The following FRMD3 variants were observed in gnomAD, a reference collection of about 807,000 sequenced individuals.
The protein encoded by FRMD3 is FERM domain containing 3, also known as FERM domain-containing protein 3.
Under a neutral mutation model 70.2 loss-of-function variants are expected in FRMD3, and 33 were observed. The ratio of observed to expected loss-of-function variants is 0.47; its 90% confidence interval spans 0.36 to 0.63. The LOEUF (loss-of-function observed/expected upper bound fraction) is 0.63. Among genes scored for constraint, FRMD3 ranks in the 20% least tolerant of loss-of-function variants. The pLI is 0.00. For missense variants in FRMD3, 632 were observed against 711.4 expected (o/e 0.89, Z 1.27); for synonymous variants, 279 against 255.9 (o/e 1.09, Z -0.86).
At chr9:83,543,598 AG>A in the FRMD3 span, among the ~76,000 whole-genome samples, 1 of 152,134 alleles carries the variant, frequency 6.6e-6, no homozygotes, top group Non-Finnish European at 1.5e-5. Flanking sequence ...GACATCCCTC[AG>A]CACCCACTGA....
In FRMD3 at chr9:83,311,905, C is replaced by A. The variant is rs767915126; in HGVS notation, c.755G>T (p.Arg252Ile). The change falls in exon 8 of 14, where the codon AGA becomes ATA. Residue 252 changes from arginine to isoleucine, a missense_variant. By Grantham distance (97) the Arg-to-Ile change is moderately conservative (BLOSUM62 -3). Transcript: ENST00000304195. ...CACTTACCATTTTATCAAATGGATT[C>A]TCTTATTTCCCTGAAAGACCACAAA... ...AGFVVFQGNKRIHLIKWPDVC... is the reference protein window; with the variant it reads ...AGFVVFQGNKIIHLIKWPDVC... 7.5e-6 allele frequency: 12 copies of A among 1,609,060 alleles called. No individual in the cohort carries two copies. The Admixed American group carries it at 1.7e-4, about 23-fold the overall frequency.
At chr9:83,538,401 C>CGGGCGG (rs1218906052), upstream of FRMD3, 6 of 462,846 alleles carry the variant, frequency 1.3e-5, no homozygotes, top group Non-Finnish European at 2.1e-5. The surrounding 1 kb of genome is among the most constrained non-coding windows in gnomAD (Gnocchi z 4.7). Flanking sequence ...CGGGGCGCGG[C>CGGGCGG]GGGCGGGTCC....
chr9:83,511,295 C>G (rs1829333664), intron 1 of FRMD3, among the ~76,000 whole-genome samples: 1 of 152,136 alleles, frequency 6.6e-6, no homozygotes, highest in Non-Finnish European at 1.5e-5. Context: ...TTGATTTCCC[C>G]AGTAGCATAA....
chr9:83,384,499 T>C (rs1294605428), intron 2 of FRMD3, among the ~76,000 whole-genome samples: 1 of 152,148 alleles, frequency 6.6e-6, no homozygotes, highest in Non-Finnish European at 1.5e-5. Context: ...TGCTCTAACA[T>C]AGACAAGGTC....
At chr9:83,513,679 C>T (rs1312369552) in intron 1 of FRMD3, among the ~76,000 whole-genome samples, 1 of 152,084 alleles carries the variant, frequency 6.6e-6, no homozygotes, top group East Asian at 1.9e-4. Flanking sequence ...GGCAAGAGGG[C>T]CAAATAGGAA....
At chr9:83,344,917 G>T (rs1432076062) in intron 4 of FRMD3, among the ~76,000 whole-genome samples, 1 of 151,136 alleles carries the variant, frequency 6.6e-6, no homozygotes, top group Non-Finnish European at 1.5e-5. Context: ...TAGCGCCCAA[G>T]TAATTTAATC....
rs987104226 is a variant in FRMD3 at position 83,246,809 on chromosome 9, T to G, written c.*1109A>C. On this transcript the variant is annotated 3_prime_UTR_variant, in exon 14 of 14. Coordinates refer to ENST00000304195, the MANE Select transcript of FRMD3 (RefSeq NM_174938.6). Reference sequence around the variant, plus strand: ...ATTTAGATCCACTTAAACATGTTCATGTTAACTCAGACAGCGACTGCACTG... The same window carrying G: ...ATTTAGATCCACTTAAACATGTTCAGGTTAACTCAGACAGCGACTGCACTG... 3.0e-6 allele frequency: 3 copies of G among 985,288 alleles called. No individual in the cohort carries two copies. Among genetic ancestry groups the G allele is most frequent in the Non-Finnish European group, 3.6e-6 (3 of 829,932 alleles). 61.0% of individuals were successfully genotyped at this position (985,288 alleles called of 1,614,324 possible). A position where few individuals can be genotyped will look rare whatever the true frequency, so the allele number is the denominator to read the frequency against.
chr9:83,360,251 T>C (rs914262863), intron 3 of FRMD3, among the ~76,000 whole-genome samples: 1 of 152,194 alleles, frequency 6.6e-6, no homozygotes, highest in Non-Finnish European at 1.5e-5. Context: ...GTCATGTTGA[T>C]AGGTGTAAAT....
intron 12 of FRMD3, chr9:83,297,882 G>A (rs1834739729): frequency 2.1e-6 from 1 of 468,440 alleles, no homozygotes; most frequent in Admixed American, 2.3e-5. Flanking sequence ...CCATCTGGAT[G>A]CTTCTCCAGG....
At chr9:83,408,398 T>C (rs1475675754) in intron 1 of FRMD3, among the ~76,000 whole-genome samples, 1 of 152,084 alleles carries the variant, frequency 6.6e-6, no homozygotes, top group African/African-American at 2.4e-5. Flanking sequence ...CCTCACCAGG[T>C]TGTCATGTCC....
intron 6 of FRMD3, among the ~76,000 whole-genome samples, chr9:83,318,025 C>T (rs533732441): frequency 1.7e-3 from 258 of 152,310 alleles, no homozygotes; most frequent in African/African-American, 5.7e-3. Context: ...TAGGCACTTA[C>T]CAAATAGGAC....
chr9:83,311,905 C>T lies in FRMD3; in HGVS notation c.755G>A (p.Arg252Lys), dbSNP rs767915126. 6.2e-7 allele frequency: 1 copy of T among 1,609,060 alleles called. No individual in the cohort carries two copies. Reference sequence around the variant, plus strand: ...CACTTACCATTTTATCAAATGGATTCTCTTATTTCCCTGAAAGACCACAAA... The same window carrying T: ...CACTTACCATTTTATCAAATGGATTTTCTTATTTCCCTGAAAGACCACAAA... ...AGFVVFQGNK[R>K]IHLIKWPDVC... is the part of the protein sequence containing the mutation. Residue 252 changes from arginine to lysine, a missense_variant, in exon 8 of 14, where the codon AGA (arginine) becomes AAA (lysine). By Grantham distance (26) the Arg-to-Lys change is conservative (BLOSUM62 2). Around this residue, in one of 3 missense-constraint regions of FRMD3, gnomAD observed 418 missense variants for 442.1 expected, o/e 0.95. Coordinates refer to ENST00000304195, the MANE Select transcript of FRMD3 (RefSeq NM_174938.6).
At chr9:83,452,479 TTTG>T (rs762951663) in intron 1 of FRMD3, among the ~76,000 whole-genome samples, 3 of 146,604 alleles carry the variant, frequency 2.0e-5, no homozygotes, top group South Asian at 2.2e-4. Flanking sequence ...AGTTGTTTTT[TTTG>T]TTGTTGTTGT....
At chr9:83,287,077 C>A (rs538801705) in intron 13 of FRMD3, among the ~76,000 whole-genome samples, 2 of 152,148 alleles carry the variant, frequency 1.3e-5, no homozygotes, top group Non-Finnish European at 2.9e-5. Context: ...TTTACTATGC[C>A]TTGTATGCAC....
the FRMD3 span, among the ~76,000 whole-genome samples, chr9:83,553,346 T>C: frequency 6.6e-6 from 1 of 152,222 alleles, no homozygotes; most frequent in South Asian, 2.1e-4. Context: ...GATCAGCTGT[T>C]AACCTCATGG....
chr9:83,541,784 T>C (rs1830002224), upstream of FRMD3, among the ~76,000 whole-genome samples: 1 of 152,208 alleles, frequency 6.6e-6, no homozygotes, highest in South Asian at 2.1e-4. Context: ...ATAGGGATTT[T>C]GCTGGTGGCC....
At chr9:83,279,847 A>T (rs951856074) in intron 13 of FRMD3, among the ~76,000 whole-genome samples, 1 of 152,146 alleles carries the variant, frequency 6.6e-6, no homozygotes, top group African/African-American at 2.4e-5. Context: ...TAATGTATGT[A>T]GGGCTTAATA....
At chr9:83,492,594 T>G (rs1828853117) in intron 1 of FRMD3, among the ~76,000 whole-genome samples, 1 of 152,168 alleles carries the variant, frequency 6.6e-6, no homozygotes, top group Non-Finnish European at 1.5e-5. Context: ...TGGCTACTGT[T>G]CATCCACCTA....
Position 83,245,358 on chromosome 9 carries a change from G to T in FRMD3, c.*2560C>A. The T allele has an allele frequency of 2.0e-6, 2 of 985,328 alleles. No homozygotes were observed. The highest frequency in any genetic ancestry group is 6.1e-5 in the Admixed American group (1 of 16,280). The allele number at this position is 985,328 out of a possible 1,614,324, so 61.0% of individuals were successfully genotyped here. ...GACTATCTTCTAACAAAACTTAAAT[G>T]GATGTTTCTAAAAGGCTCTGATTCT... is the stretch of plus-strand genomic sequence containing the variant. On this transcript the variant is annotated 3_prime_UTR_variant, in exon 14 of 14. Coordinates refer to ENST00000304195, the MANE Select transcript of FRMD3 (RefSeq NM_174938.6).
Sources: gnomAD v4.1 joint callset for allele counts (sites outside exome capture counted in the v4.1 genomes callset) on GRCh38, gnomAD v4.1.1 for gene constraint, gnomAD v4.1.1 regional missense constraint, Gnocchi (gnomAD v3.1) non-coding constraint, MANE v1.5 for transcripts, NCBI Gene and HGNC (gene_info 2026-07-23, HGNC 2026-07-21) for gene names.